NAALADL2: variants seen among roughly 807,000 people sequenced by gnomAD.
NAALADL2 encodes N-acetylated alpha-linked acidic dipeptidase like 2.
In NAALADL2, 76 loss-of-function variants were observed where a neutral mutation model predicts 87.2. That is an observed-to-expected ratio of 0.87 (90% CI 0.72 to 1.05). The LOEUF (loss-of-function observed/expected upper bound fraction) is 1.05, where lower values mean the gene tolerates loss of function less well. Ranked by LOEUF, NAALADL2 falls within the 50% of genes least tolerant of loss-of-function variation. The pLI is 0.00. For missense variants in NAALADL2, 1,089 were observed against 945.8 expected, an observed-to-expected ratio of 1.15 and a Z score of -1.99; for synonymous variants, 354 against 331.0, an observed-to-expected ratio of 1.07 and a Z score of -0.75.
chr3:174,972,667 G>A (rs892392264), intron 1 of NAALADL2, among the ~76,000 whole-genome samples: 4 of 152,100 alleles, frequency 2.6e-5, no homozygotes, highest in African/African-American at 9.7e-5. Context: ...TGGGGACCTA[G>A]TTCAATCTAT....
chr3:174,919,924 C>T (rs1734923768), intron 1 of NAALADL2, among the ~76,000 whole-genome samples: 1 of 152,086 alleles, frequency 6.6e-6, no homozygotes, highest in Admixed American at 6.6e-5. Flanking sequence ...TCCACTCCAC[C>T]TCTTGGGGTG....
chr3:175,316,045 C>A (rs1044670009), intron 4 of NAALADL2, among the ~76,000 whole-genome samples: 3 of 152,104 alleles, frequency 2.0e-5, no homozygotes, highest in Non-Finnish European at 4.4e-5. Context: ...CAGAAAGGAT[C>A]TTTGGGAACA....
intron 13 of NAALADL2, among the ~76,000 whole-genome samples, chr3:175,769,102 T>C (rs1749135031): frequency 6.6e-6 from 1 of 152,196 alleles, no homozygotes; most frequent in African/African-American, 2.4e-5. Context: ...CTTACTACCT[T>C]TCTTACCTGT....
intron 8 of NAALADL2, among the ~76,000 whole-genome samples, chr3:175,468,891 A>C (rs866807252): frequency 3.3e-4 from 50 of 152,060 alleles, no homozygotes; most frequent in African/African-American, 1.1e-3. Context: ...TGTGGTTAAT[A>C]CACATTCATT....
intron 2 of NAALADL2, among the ~76,000 whole-genome samples, chr3:174,610,477 C>T (rs189451553): frequency 6.6e-6 from 1 of 152,098 alleles, no homozygotes; most frequent in Non-Finnish European, 1.5e-5. Context: ...AAGAAAAAAA[C>T]AAACAACCCC....
intron 12 of NAALADL2, 36 bp downstream of exon 12, chr3:175,737,435 G>GA (rs1163592537): frequency 7.7e-7 from 1 of 1,295,150 alleles, no homozygotes; most frequent in Non-Finnish European, 1.1e-6. Flanking sequence ...TTTTACCAAT[G>GA]AAAAATTGTT....
At chr3:175,393,036 AGGCCGAGGCGG>A (rs1769261183) in intron 5 of NAALADL2, among the ~76,000 whole-genome samples, 1 of 152,080 alleles carries the variant, frequency 6.6e-6, no homozygotes, top group South Asian at 2.1e-4. Context: ...GCACTTTGGG[AGGCCGAGGCGG>A]GTGGATCATG....
At chr3:174,451,131 G>A (rs987047083) in intron 1 of NAALADL2, among the ~76,000 whole-genome samples, 9 of 152,056 alleles carry the variant, frequency 5.9e-5, no homozygotes, top group African/African-American at 1.7e-4. Flanking sequence ...TACTTTCAAC[G>A]AGAATAACAT....
intron 2 of NAALADL2, among the ~76,000 whole-genome samples, chr3:175,140,724 C>T (rs936423918): frequency 6.6e-6 from 1 of 151,982 alleles, no homozygotes; most frequent in Non-Finnish European, 1.5e-5. Flanking sequence ...GTCCTCGCTA[C>T]AAAAGGGAAT....
At chr3:175,326,515 G>T (rs1760721130) in intron 5 of NAALADL2, among the ~76,000 whole-genome samples, 1 of 152,142 alleles carries the variant, frequency 6.6e-6, no homozygotes, top group Non-Finnish European at 1.5e-5. Flanking sequence ...CTAGGAATTT[G>T]TTATAGCAAG....
At chr3:175,052,441 G>A (rs1455101727) in intron 1 of NAALADL2, among the ~76,000 whole-genome samples, 1 of 152,180 alleles carries the variant, frequency 6.6e-6, no homozygotes, top group Non-Finnish European at 1.5e-5. Flanking sequence ...AAAAGCAAAG[G>A]CAGCTTTGTC....
At chr3:175,670,427 TATTTATATTAA>T (rs1274663798) in intron 11 of NAALADL2, among the ~76,000 whole-genome samples, 2 of 145,222 alleles carry the variant, frequency 1.4e-5, no homozygotes, top group African/African-American at 2.6e-5. Flanking sequence ...AAATTTAATA[TATTTATATTAA>T]ATTTATATTA....
chr3:174,880,139 T>C (rs191827516), intron 1 of NAALADL2, among the ~76,000 whole-genome samples: 40 of 152,156 alleles, frequency 2.6e-4, no homozygotes, highest in Admixed American at 5.9e-4. Flanking sequence ...TCGATGATTC[T>C]CAACTCTCAG....
At chr3:175,131,108 C>T (rs942559870) in intron 2 of NAALADL2, among the ~76,000 whole-genome samples, 1 of 150,984 alleles carries the variant, frequency 6.6e-6, no homozygotes, top group African/African-American at 2.4e-5. Flanking sequence ...TTTCCTTGAA[C>T]AGCTATTTCA....
chr3:175,655,792 A>G (rs2149798664), intron 11 of NAALADL2, among the ~76,000 whole-genome samples: 1 of 152,312 alleles, frequency 6.6e-6, no homozygotes, highest in Non-Finnish European at 1.5e-5. Flanking sequence ...GACTACCGTT[A>G]CTTTTCCATT....
intron 2 of NAALADL2, among the ~76,000 whole-genome samples, chr3:175,138,887 A>AATATATATATATATATATATAT (rs58824117): frequency 2.1e-5 from 2 of 95,484 alleles, no homozygotes; most frequent in Non-Finnish European, 3.7e-5. Context: ...AGCCTTTTAA[A>AATATATATATATATATATATAT]ATATATATAT....
intron 2 of NAALADL2, among the ~76,000 whole-genome samples, chr3:174,654,760 G>GA (rs1345019677): frequency 6.6e-6 from 1 of 152,060 alleles, no homozygotes; most frequent in Non-Finnish European, 1.5e-5. Context: ...TTTTGAGATG[G>GA]AGTCTTGCTC....
intron 9 of NAALADL2, among the ~76,000 whole-genome samples, chr3:175,477,702 C>G (rs16848174): frequency 0.1 from 15,381 of 152,088 alleles, 935 homozygotes; most frequent in East Asian, 0.25. Flanking sequence ...CAAATAGTCA[C>G]TGTGCAAAAA....
At chr3:175,444,557 G>T (rs904467471) in intron 5 of NAALADL2, among the ~76,000 whole-genome samples, 5 of 152,096 alleles carry the variant, frequency 3.3e-5, no homozygotes, top group African/African-American at 1.2e-4. Context: ...TGCCACCTGT[G>T]CAGTCTCACA....
Sources: gnomAD v4.1 joint callset for allele counts (sites outside exome capture counted in the v4.1 genomes callset) on GRCh38, gnomAD v4.1.1 for gene constraint, MANE v1.5 for transcripts, NCBI Gene and HGNC (gene_info 2026-07-23, HGNC 2026-07-21) for gene names.